DENND5B: variants seen among roughly 807,000 people sequenced by gnomAD.
The protein encoded by DENND5B is DENN domain containing 5B, also known as DENN domain-containing protein 5B.
Under a neutral mutation model 140.6 loss-of-function variants are expected in DENND5B, and 34 were observed. That is an observed-to-expected ratio of 0.24 (90% CI 0.18 to 0.32). The LOEUF is 0.32. Ranked by LOEUF, DENND5B falls within the 10% of genes least tolerant of loss-of-function variation. The pLI is 1.00. For synonymous variants in DENND5B, 551 were observed against 562.1 expected (o/e 0.98, Z 0.28); for missense variants, 1,142 against 1,560.2 (o/e 0.73, Z 4.52).
At chr12:31,451,675 T>C in intron 5 of DENND5B, 2 of 400,378 alleles carry the variant, frequency 5.0e-6, no homozygotes, top group Non-Finnish European at 8.9e-6. Context: ...GAAAATGAGA[T>C]TACAGGCAAT....
intron 1 of DENND5B, among the ~76,000 whole-genome samples, chr12:31,525,232 A>C (rs1948044567): frequency 6.6e-6 from 1 of 152,226 alleles, no homozygotes; most frequent in South Asian, 2.1e-4. Context: ...TGTCCATGCA[A>C]AAATCTGAAT....
chr12:31,504,862 A>C (rs1947133192), intron 1 of DENND5B, among the ~76,000 whole-genome samples: 1 of 152,202 alleles, frequency 6.6e-6, no homozygotes, highest in Admixed American at 6.5e-5. Context: ...CAAGGCACAC[A>C]ATCTATCTTT....
chr12:31,583,760 A>G (rs532298035), intron 1 of DENND5B, among the ~76,000 whole-genome samples: 4 of 152,326 alleles, frequency 2.6e-5, no homozygotes, highest in African/African-American at 9.6e-5. Flanking sequence ...AAAGCACTCT[A>G]TAAATGTTAG....
intron 1 of DENND5B, among the ~76,000 whole-genome samples, chr12:31,534,058 C>T (rs12809140): frequency 0.15 from 22,134 of 152,018 alleles, 1,863 homozygotes; most frequent in Non-Finnish European, 0.19. Flanking sequence ...TATCAATATA[C>T]TAAATACTCA....
intron 1 of DENND5B, 145 bp from the exon 2 acceptor site, chr12:31,496,064 C>T (rs1273755559): frequency 7.9e-6 from 4 of 508,492 alleles, no homozygotes; most frequent in Non-Finnish European, 1.3e-5. Context: ...TGTAAAATCC[C>T]GATGGACAAC....
chr12:31,462,891 G>A (rs559352951), intron 3 of DENND5B, among the ~76,000 whole-genome samples: 7 of 151,606 alleles, frequency 4.6e-5, no homozygotes, highest in Admixed American at 2.0e-4. Context: ...CCCAGGAGGC[G>A]GAGGTTGCAG....
chr12:31,433,090 C>A, intron 8 of DENND5B, 65 bp downstream of exon 8: 1 of 1,320,802 alleles, frequency 7.6e-7, no homozygotes, highest in Non-Finnish European at 1.1e-6. Context: ...ATGACATCTG[C>A]TGGAAGGAAT....
intron 1 of DENND5B, among the ~76,000 whole-genome samples, chr12:31,572,142 T>C (rs1163773800): frequency 1.3e-5 from 2 of 151,838 alleles, no homozygotes; most frequent in Admixed American, 6.6e-5. Context: ...GAGAATCCCT[T>C]GAGCCCAGGA....
At chr12:31,493,744 T>C (rs1175357108) in intron 2 of DENND5B, among the ~76,000 whole-genome samples, 2 of 152,138 alleles carry the variant, frequency 1.3e-5, no homozygotes. Flanking sequence ...GGCAGGAGGA[T>C]TGCCTGAACC....
intron 11 of DENND5B, among the ~76,000 whole-genome samples, chr12:31,421,202 G>A (rs1213000935): frequency 6.6e-6 from 1 of 151,570 alleles, no homozygotes; most frequent in Non-Finnish European, 1.5e-5. Flanking sequence ...TGCCACCCAT[G>A]CCTGGCTAAT....
intron 1 of DENND5B, among the ~76,000 whole-genome samples, chr12:31,560,795 G>GA (rs1173749214): frequency 6.6e-6 from 1 of 152,148 alleles, no homozygotes; most frequent in African/African-American, 2.4e-5. Context: ...GTGACCGCTT[G>GA]ATGTTTACTT....
At position 31,436,686 on chromosome 12, in the gene DENND5B, C is replaced by T. The variant is rs1943771863; in HGVS notation, c.2013-3438G>A. Among the ~76,000 whole-genome samples, 4 of 151,738 alleles carry T rather than the reference C, an allele frequency of 2.6e-5. No homozygotes were observed. In the South Asian group the frequency reaches 6.2e-4, roughly 24 times the overall value. ...AGCAGCTGGGATTACAGGCATGTGCCAACATGCCCAGCTAAGTTTTGTATT... is the reference window on the plus strand; with the variant it reads ...AGCAGCTGGGATTACAGGCATGTGCTAACATGCCCAGCTAAGTTTTGTATT... On this transcript the variant is annotated intron_variant, in intron 7 of 20. Transcript: ENST00000389082.
At chr12:31,393,512 GGTTT>G (rs1941261236) in intron 17 of DENND5B, among the ~76,000 whole-genome samples, 1 of 152,050 alleles carries the variant, frequency 6.6e-6, no homozygotes, top group Non-Finnish European at 1.5e-5. Context: ...CCCAAGGAAT[GGTTT>G]GTTTTTTTAA....
At chr12:31,575,485 A>T (rs1296374036) in intron 1 of DENND5B, among the ~76,000 whole-genome samples, 1 of 152,218 alleles carries the variant, frequency 6.6e-6, no homozygotes, top group Non-Finnish European at 1.5e-5. Flanking sequence ...TTGCTGTTTT[A>T]GTCCTGATCT....
chr12:31,462,248 G>A (rs968816397), intron 3 of DENND5B, among the ~76,000 whole-genome samples: 6 of 151,966 alleles, frequency 3.9e-5, no homozygotes, highest in Non-Finnish European at 7.4e-5. Flanking sequence ...CTGTGCAGGT[G>A]AGGCGGGTAG....
intron 3 of DENND5B, among the ~76,000 whole-genome samples, chr12:31,475,951 T>C (rs758287200): frequency 6.6e-6 from 1 of 151,682 alleles, no homozygotes; most frequent in Non-Finnish European, 1.5e-5. Flanking sequence ...TGGCAAAACC[T>C]CATCTCTACT....
chr12:31,500,329 G>C (rs1946953268), intron 1 of DENND5B: 1 of 449,424 alleles, frequency 2.2e-6, no homozygotes, highest in Admixed American at 2.4e-5. Flanking sequence ...CAGATTTTTG[G>C]ATTAGGAATG....
At chr12:31,542,935 C>T (rs923292013) in intron 1 of DENND5B, among the ~76,000 whole-genome samples, 2 of 151,992 alleles carry the variant, frequency 1.3e-5, no homozygotes, top group Non-Finnish European at 2.9e-5. Context: ...CCAGCCTGGG[C>T]GACAGAGCCA....
intron 1 of DENND5B, among the ~76,000 whole-genome samples, chr12:31,558,251 T>C (rs768023269): frequency 3.9e-5 from 6 of 152,162 alleles, no homozygotes; most frequent in Non-Finnish European, 7.3e-5. Context: ...CTTATACATA[T>C]ATGAATCAGA....
Sources: allele counts gnomAD v4.1 joint callset (sites outside exome capture counted in the v4.1 genomes callset), GRCh38; gene constraint gnomAD v4.1.1; transcripts MANE v1.5; gene names NCBI Gene and HGNC (gene_info 2026-07-23, HGNC 2026-07-21).